KCNQ1: variants seen among roughly 807,000 people sequenced by gnomAD.
The protein encoded by KCNQ1 is potassium voltage-gated channel subfamily KQT member 1.
Under a neutral mutation model 72.4 loss-of-function variants are expected in KCNQ1, and 49 were observed. That is an observed-to-expected ratio of 0.68 (90% CI 0.54 to 0.86). KCNQ1 has a LOEUF of 0.86. Ranked by LOEUF, KCNQ1 falls within the 40% of genes least tolerant of loss-of-function variation. The pLI is 0.00. For missense variants in KCNQ1, 790 were observed against 945.1 expected (o/e 0.84, Z 2.15); for synonymous variants, 450 against 412.6 (o/e 1.09, Z -1.10).
chr11:2,468,282 G>A lies in KCNQ1; in HGVS notation c.386+22798G>A, dbSNP rs1846384122. Among the ~76,000 whole-genome samples, 1 of 152,150 alleles carries A rather than the reference G, an allele frequency of 6.6e-6. No homozygotes were observed. Among genetic ancestry groups the A allele is most frequent in the South Asian group, 2.1e-4 (1 of 4,834 alleles). Reference sequence around the variant, plus strand: ...CCGCCTCAGCCTCCTGAGTAGCTGGGACTACAGATGCACACCACCACGCCT... The same window carrying A: ...CCGCCTCAGCCTCCTGAGTAGCTGGAACTACAGATGCACACCACCACGCCT... On this transcript the variant is annotated intron_variant, in intron 1 of 15. Coordinates refer to ENST00000155840, the MANE Select transcript of KCNQ1 (RefSeq NM_000218.3). This position sits in a 1 kb window ranked among gnomAD's most constrained non-coding sequence, Gnocchi z 5.7.
chr11:2,731,010 G>A (rs932139502), intron 11 of KCNQ1, among the ~76,000 whole-genome samples: 1 of 152,238 alleles, frequency 6.6e-6, no homozygotes, highest in African/African-American at 2.4e-5. Context: ...AGAAAAGGAA[G>A]GCCCTTGTTG....
intron 1 of KCNQ1, among the ~76,000 whole-genome samples, chr11:2,480,476 A>G (rs1450902759): frequency 6.6e-6 from 1 of 152,256 alleles, no homozygotes; most frequent in Non-Finnish European, 1.5e-5. Flanking sequence ...TCCCCCTTAT[A>G]AAACCATCAG....
At position 2,752,221 on chromosome 11, in the gene KCNQ1, A is replaced by T. The variant is rs1029128293; in HGVS notation, c.1515-16623A>T. Among the ~76,000 whole-genome samples the T allele has an allele frequency of 6.6e-6, 1 of 151,990 alleles. No homozygotes were observed. Among genetic ancestry groups the T allele is most frequent in the South Asian group, 2.1e-4 (1 of 4,814 alleles). On this transcript the variant is annotated intron_variant, in intron 11 of 15. Transcript: ENST00000155840. The surrounding 1 kb of genome is among the most constrained non-coding windows in gnomAD (Gnocchi z 5.2). Reference sequence around the variant, plus strand: ...TTACTGAGTTGAGGTGACTGGGTTGATTTTAGCTTCACAGGTGATCTGAAC... The same window carrying T: ...TTACTGAGTTGAGGTGACTGGGTTGTTTTTAGCTTCACAGGTGATCTGAAC...
intron 11 of KCNQ1, among the ~76,000 whole-genome samples, chr11:2,706,822 C>T (rs1305166124): frequency 6.6e-6 from 1 of 152,188 alleles, no homozygotes; most frequent in Non-Finnish European, 1.5e-5. Flanking sequence ...CTCGTGAGAA[C>T]CACTCCCCGG....
intron 6 of KCNQ1, among the ~76,000 whole-genome samples, chr11:2,573,883 G>A (rs1375440106): frequency 6.6e-6 from 1 of 151,752 alleles, no homozygotes; most frequent in Non-Finnish European, 1.5e-5. Context: ...CGCCCTCCGA[G>A]CTGCAGGCTC....
In KCNQ1 at chr11:2,691,340, A is replaced by G. The variant is rs1010830629; in HGVS notation, c.1514+29259A>G. The G allele has an allele frequency of 7.5e-6, 3 of 398,644 alleles. No homozygotes were observed. Among genetic ancestry groups the G allele is most frequent in the Non-Finnish European group, 1.3e-5 (3 of 226,088 alleles). The allele number at this position is 398,644 out of a possible 1,614,324, so 24.7% of individuals were successfully genotyped here. ...CTGAGCTACAATCCACTGCACTTAC[A>G]GTGACCACCCATCCTGACATCTTGG... On this transcript the variant is annotated intron_variant, in intron 11 of 15. Coordinates refer to ENST00000155840, the MANE Select transcript of KCNQ1 (RefSeq NM_000218.3). The surrounding 1 kb of genome is among the most constrained non-coding windows in gnomAD (Gnocchi z 6.4).
chr11:2,739,592 G>A (rs765316257), intron 11 of KCNQ1, among the ~76,000 whole-genome samples: 48 of 152,382 alleles, frequency 3.1e-4, no homozygotes, highest in Non-Finnish European at 4.4e-4. Context: ...GGGGCTGGTG[G>A]TGTCCTGGTT....
rs1349839158 is a variant in KCNQ1, at chr11:2,653,999, A to C, written c.1394-7962A>C. Reference sequence around the variant, plus strand: ...ATTTTCCTAAGCGGAACTGGGTGCCAGCTGTGAATATACATTTTCACTCCA... The same window carrying C: ...ATTTTCCTAAGCGGAACTGGGTGCCCGCTGTGAATATACATTTTCACTCCA... On this transcript the variant is annotated intron_variant, in intron 10 of 15. Transcript: ENST00000155840. This position sits in a 1 kb window ranked among gnomAD's most constrained non-coding sequence, Gnocchi z 5.3. The C allele has an allele frequency of 2.5e-6, 1 of 398,572 alleles. No homozygotes were observed. Among genetic ancestry groups the C allele is most frequent in the Non-Finnish European group, 4.4e-6 (1 of 226,084 alleles). The allele number at this position is 398,572 out of a possible 1,614,324, so 24.7% of individuals were successfully genotyped here.
intron 15 of KCNQ1, among the ~76,000 whole-genome samples, chr11:2,806,858 C>T (rs564886989): frequency 6.6e-5 from 10 of 152,164 alleles, no homozygotes; most frequent in South Asian, 2.1e-4. Flanking sequence ...GTGCTGGCTC[C>T]GGTGACACAC....
chr11:2,504,733 G>C lies in KCNQ1; in HGVS notation c.387-23195G>C, dbSNP rs1013054131. 2.0e-5 allele frequency among the ~76,000 whole-genome samples: 3 copies of C among 152,158 alleles called. No homozygotes were observed. In the East Asian group the frequency reaches 5.8e-4, roughly 29 times the overall value. The stretch of plus-strand genomic sequence containing the variant: ...GATCGCGCCACTGCACTCCAGCCTG[G>C]GTAACAGAGTGAGACTGTCTCTAAA... On this transcript the variant is annotated intron_variant, in intron 1 of 15. Coordinates refer to ENST00000155840, the MANE Select transcript of KCNQ1 (RefSeq NM_000218.3).
At chr11:2,454,242 G>A (rs1311973050) in intron 1 of KCNQ1, among the ~76,000 whole-genome samples, 1 of 152,122 alleles carries the variant, frequency 6.6e-6, no homozygotes, top group East Asian at 1.9e-4. Context: ...GGTGGCATAT[G>A]GAATCAAGAT....
chr11:2,686,803 C>G (rs1564858099), intron 11 of KCNQ1: 1 of 398,582 alleles, frequency 2.5e-6, no homozygotes, highest in Non-Finnish European at 4.4e-6. Flanking sequence ...GCAGCCCCTG[C>G]TCACCCCTAA....
rs1846883140 is a variant in KCNQ1 at position 2,494,741 on chromosome 11, C to G, written c.387-33187C>G. Among the ~76,000 whole-genome samples the G allele has an allele frequency of 1.3e-5, 2 of 152,158 alleles. No homozygotes were observed. Among genetic ancestry groups the G allele is most frequent in the Admixed American group, 1.3e-4 (2 of 15,264 alleles). On this transcript the variant is annotated intron_variant, in intron 1 of 15. Coordinates refer to ENST00000155840, the MANE Select transcript of KCNQ1 (RefSeq NM_000218.3). This position sits in a 1 kb window ranked among gnomAD's most constrained non-coding sequence, Gnocchi z 4.6. Reference sequence around the variant, plus strand: ...TTGATGTGCTGCTGGATTCAGTTTGCCAGTATTTTATTGAAGATTTTTGCA... The same window carrying G: ...TTGATGTGCTGCTGGATTCAGTTTGGCAGTATTTTATTGAAGATTTTTGCA...
rs373266174 is a variant in KCNQ1 at position 2,848,566 on chromosome 11, G to T, written c.*563G>T. Reference sequence around the variant, plus strand: ...AGGAAATGCTGACCCATGGGCAGGAGACTGTGGAGACTGCTCCTGAGCCCC... The same window carrying T: ...AGGAAATGCTGACCCATGGGCAGGATACTGTGGAGACTGCTCCTGAGCCCC... On this transcript the variant is annotated 3_prime_UTR_variant, in exon 16 of 16. Coordinates refer to ENST00000155840, the MANE Select transcript of KCNQ1 (RefSeq NM_000218.3). 1.7e-4 allele frequency: 78 copies of T among 454,218 alleles called. No individual in the cohort carries two copies. The Middle Eastern group carries it at 4.2e-3, about 24-fold the overall frequency. The allele number at this position is 454,218 out of a possible 1,614,324, so 28.1% of individuals were successfully genotyped here.
intron 10 of KCNQ1, chr11:2,660,742 G>C (rs978960815): frequency 1.3e-5 from 5 of 398,512 alleles, no homozygotes; most frequent in African/African-American, 1.0e-4. Flanking sequence ...TTCAGGCATG[G>C]ATGTGGGAAA....
intron 1 of KCNQ1, among the ~76,000 whole-genome samples, chr11:2,523,891 A>C (rs1474556318): frequency 1.3e-5 from 2 of 151,716 alleles, no homozygotes; most frequent in African/African-American, 4.8e-5. Flanking sequence ...GGGGGAGTGC[A>C]GCGCCTTCCG....
chr11:2,499,879 C>T (rs973898085), intron 1 of KCNQ1, among the ~76,000 whole-genome samples: 1 of 152,224 alleles, frequency 6.6e-6, no homozygotes, highest in Non-Finnish European at 1.5e-5. Context: ...ACATTCTCCT[C>T]AGCACATAGC....
intron 10 of KCNQ1, chr11:2,632,555 G>T (rs1425060311): frequency 2.5e-6 from 1 of 398,188 alleles, no homozygotes; most frequent in Non-Finnish European, 4.4e-6. Context: ...AATAATTGTA[G>T]ATATTTATGG....
rs1054544460 is a variant in KCNQ1 at position 2,486,994 on chromosome 11, T to C, written c.387-40934T>C. On this transcript the variant is annotated intron_variant, in intron 1 of 15. Coordinates refer to ENST00000155840, the MANE Select transcript of KCNQ1 (RefSeq NM_000218.3). This position sits in a 1 kb window ranked among gnomAD's most constrained non-coding sequence, Gnocchi z 5.0. ...TTTTGCCCTATGTTTTCTTCTAAGA[T>C]TTTTATAGTTTTACGTTGCACATTT... is the stretch of plus-strand genomic sequence containing the variant. Among the ~76,000 whole-genome samples the C allele has an allele frequency of 1.1e-4, 17 of 152,236 alleles. No individual in the cohort carries two copies. Among genetic ancestry groups the C allele is most frequent in the African/African-American group, 4.1e-4 (17 of 41,464 alleles).
Sources: allele counts gnomAD v4.1 joint callset (sites outside exome capture counted in the v4.1 genomes callset), GRCh38; gene constraint gnomAD v4.1.1; non-coding constraint Gnocchi (gnomAD v3.1); transcripts MANE v1.5; gene names NCBI Gene and HGNC (gene_info 2026-07-23, HGNC 2026-07-21).